CA5A: variants seen among roughly 807,000 people sequenced by gnomAD.
The protein encoded by CA5A is carbonic anhydrase 5A, also known as carbonic anhydrase 5A, mitochondrial.
In CA5A, 28 loss-of-function variants were observed where a neutral mutation model predicts 37.1. The ratio of observed to expected loss-of-function variants is 0.75; its 90% CI spans 0.56 to 1.03. CA5A has a LOEUF of 1.03. Ranked by LOEUF, CA5A falls within the 50% of genes least tolerant of loss-of-function variation. The pLI is 0.00. For synonymous variants in CA5A, 171 were observed against 158.4 expected (o/e 1.08, Z -0.60); for missense variants, 444 against 399.9 (o/e 1.11, Z -0.94).
chr16:87,924,027 G>T lies in CA5A; in HGVS notation c.340+2721C>A, dbSNP rs1421159597. On this transcript the variant is annotated intron_variant, in intron 2 of 6. Transcript: ENST00000649794. Reference sequence around the variant, plus strand: ...GTTGCTTCTTGGGCATTTGAACTTGGAACAGACCAACAAGGGGAGAAAAAC... The same window carrying T: ...GTTGCTTCTTGGGCATTTGAACTTGTAACAGACCAACAAGGGGAGAAAAAC... The T allele has an allele frequency of 4.1e-6, 4 of 985,276 alleles. No homozygotes were observed. In the African/African-American group the frequency reaches 5.2e-5, roughly 13 times the overall value. 61.0% of individuals were successfully genotyped at this position (985,276 alleles called of 1,614,324 possible).
chr16:87,927,203 T>C (rs573500373), intron 1 of CA5A, among the ~76,000 whole-genome samples: 1 of 152,306 alleles, frequency 6.6e-6, no homozygotes, highest in South Asian at 2.1e-4. Context: ...ATGCCACCTG[T>C]GTTGATGGGT....
At chr16:87,915,794 C>T (rs1453825767) in intron 2 of CA5A, among the ~76,000 whole-genome samples, 1 of 151,640 alleles carries the variant, frequency 6.6e-6, no homozygotes, top group Admixed American at 6.6e-5. Flanking sequence ...CTTTCTGGCC[C>T]CTTCCCATAA....
At chr16:87,913,319 T>TTTTTTGG (rs2056079632) in intron 2 of CA5A, among the ~76,000 whole-genome samples, 2 of 146,466 alleles carry the variant, frequency 1.4e-5, no homozygotes, top group East Asian at 2.0e-4. Flanking sequence ...TTTTTTTTTT[T>TTTTTTGG]GAGTCAGGGG....
chr16:87,899,700 A>G (rs1159551555), intron 5 of CA5A, among the ~76,000 whole-genome samples: 2 of 150,388 alleles, frequency 1.3e-5, no homozygotes, highest in Admixed American at 1.3e-4. Context: ...TGGGCAGATC[A>G]CTTGAGGTCA....
chr16:87,934,846 G>C (rs1490222786), intron 1 of CA5A, among the ~76,000 whole-genome samples: 4 of 152,172 alleles, frequency 2.6e-5, no homozygotes, highest in Non-Finnish European at 5.9e-5. Flanking sequence ...TGTAGTCCCA[G>C]CTACTTGGGA....
chr16:87,917,556 G>A (rs1436336236), intron 2 of CA5A, among the ~76,000 whole-genome samples: 1 of 152,244 alleles, frequency 6.6e-6, no homozygotes, highest in Non-Finnish European at 1.5e-5. Flanking sequence ...AGAAACAGGA[G>A]CTACATACAG....
At chr16:87,909,491 C>G (rs765139373) in intron 2 of CA5A, among the ~76,000 whole-genome samples, 1 of 152,234 alleles carries the variant, frequency 6.6e-6, no homozygotes, top group Admixed American at 6.5e-5. Flanking sequence ...TTTTCGGGAA[C>G]AGCAGGTGCA....
chr16:87,902,301 C>T, intron 4 of CA5A, 124 bp downstream of exon 4: 1 of 673,226 alleles, frequency 1.5e-6, no homozygotes, highest in South Asian at 1.8e-5. Context: ...TTGCAATGAG[C>T]CGAGACTGTG....
chr16:87,915,906 C>G (rs924185075), intron 2 of CA5A, among the ~76,000 whole-genome samples: 3 of 151,860 alleles, frequency 2.0e-5, no homozygotes, highest in Admixed American at 2.0e-4. Flanking sequence ...TAAAGCCATA[C>G]CCGAGACTGG....
At chr16:87,925,999 G>T (rs1438414717) in intron 2 of CA5A, among the ~76,000 whole-genome samples, 1 of 152,226 alleles carries the variant, frequency 6.6e-6, no homozygotes, top group Admixed American at 6.5e-5. Flanking sequence ...AAGGTGGGCA[G>T]ATCACCTGAT....
chr16:87,929,179 C>T (rs956388637), intron 1 of CA5A, among the ~76,000 whole-genome samples: 16 of 150,264 alleles, frequency 1.1e-4, no homozygotes, highest in Admixed American at 3.3e-4. Context: ...TGGCTGGGCG[C>T]GGTGGCTCAC....
intron 1 of CA5A, among the ~76,000 whole-genome samples, chr16:87,933,754 T>C (rs1039880561): frequency 2.0e-5 from 3 of 152,208 alleles, no homozygotes; most frequent in Non-Finnish European, 4.4e-5. Context: ...CAGTGATTTT[T>C]CAATAATTTT....
intron 2 of CA5A, among the ~76,000 whole-genome samples, chr16:87,913,955 G>A (rs140762605): frequency 6.6e-6 from 1 of 152,228 alleles, no homozygotes; most frequent in East Asian, 1.9e-4. Flanking sequence ...ACCACAAGAG[G>A]CGTGGGGAGC....
chr16:87,904,880 T>C lies in CA5A; in HGVS notation c.365A>G (p.Asn122Ser). The C allele has an allele frequency of 3.1e-6, 5 of 1,612,204 alleles. No homozygotes were observed. The highest frequency in any genetic ancestry group is 4.2e-6 in the Non-Finnish European group (5 of 1,178,286). ...ASGISGGPLE[N>S]HYRLKQFHFH... The stretch of plus-strand genomic sequence containing the variant: ...GTGAAATTGCTTCAGTCTGTAGTGG[T>C]TTTCCAAGGGCCCACCACTAATTCC... Residue 122 changes from asparagine (N) to serine (S), a missense_variant, in exon 3 of 7, where the codon AAC becomes AGC. Physicochemically the swap from Asn to Ser is conservative, Grantham distance 46. Coordinates refer to ENST00000649794, the MANE Select transcript of CA5A (RefSeq NM_001739.2).
downstream of CA5A, chr16:87,887,800 C>T: frequency 4.4e-6 from 1 of 225,910 alleles, no homozygotes; most frequent in East Asian, 1.0e-4. Context: ...GTGAGGACAC[C>T]TTGGTGTCGG....
At chr16:87,915,469 T>A (rs1330392823) in intron 2 of CA5A, among the ~76,000 whole-genome samples, 2 of 151,184 alleles carry the variant, frequency 1.3e-5, no homozygotes, top group Non-Finnish European at 2.9e-5. Flanking sequence ...CAGGAGAAGC[T>A]TGCAGTGAGC....
intron 4 of CA5A, 69 bp downstream of exon 4, chr16:87,902,352 CAAAA>C: frequency 1.3e-6 from 1 of 781,654 alleles, no homozygotes; most frequent in Non-Finnish European, 2.1e-6. Flanking sequence ...AGTCCTGTCT[CAAAA>C]AAAAAAAAGC....
intron 6 of CA5A, among the ~76,000 whole-genome samples, chr16:87,890,701 C>T (rs1388197484): frequency 2.0e-5 from 3 of 152,096 alleles, no homozygotes; most frequent in South Asian, 2.1e-4. Context: ...CTGCAACCTC[C>T]GCCTTCCAGG....
At chr16:87,906,503 T>C (rs1168351304) in intron 2 of CA5A, among the ~76,000 whole-genome samples, 2 of 152,092 alleles carry the variant, frequency 1.3e-5, no homozygotes, top group Non-Finnish European at 2.9e-5. Context: ...GGCGGGTGCC[T>C]GTAATCCCAG....
Sources: allele counts gnomAD v4.1 joint callset (sites outside exome capture counted in the v4.1 genomes callset), GRCh38; gene constraint gnomAD v4.1.1; transcripts MANE v1.5; gene names NCBI Gene and HGNC (gene_info 2026-07-23, HGNC 2026-07-21).